The following ST3GAL3 variants were observed in gnomAD, a reference collection of about 807,000 sequenced individuals.
ST3GAL3 encodes ST3 beta-galactoside alpha-2,3-sialyltransferase 3.
In ST3GAL3, 21 loss-of-function variants were observed where a neutral mutation model predicts 50.1. The ratio of observed to expected loss-of-function variants is 0.42; its 90% CI spans 0.30 to 0.60. The LOEUF (loss-of-function observed/expected upper bound fraction) is 0.60, where lower values mean the gene tolerates loss of function less well. ST3GAL3 is among the 20% of genes least tolerant of loss of function. The probability of loss-of-function intolerance (pLI) is 0.19; values close to 1 mark genes in which losing one functional copy is unlikely to be tolerated. For missense variants in ST3GAL3, 353 were observed against 489.4 expected (o/e 0.72, Z 2.63); for synonymous variants, 183 against 190.0 (o/e 0.96, Z 0.30).
chr1:43,821,154 G>C (rs1027969522), intron 4 of ST3GAL3, among the ~76,000 whole-genome samples: 1 of 152,158 alleles, frequency 6.6e-6, no homozygotes, highest in Non-Finnish European at 1.5e-5. Flanking sequence ...GCTATCCTGC[G>C]AGCTGAAGTC....
chr1:43,897,349 ACTC>A (rs2077539788), intron 6 of ST3GAL3, among the ~76,000 whole-genome samples: 1 of 152,126 alleles, frequency 6.6e-6, no homozygotes, highest in Non-Finnish European at 1.5e-5. Context: ...CTTCCTAACA[ACTC>A]CACAAAATAG....
chr1:43,824,772 G>A (rs1270567018), intron 4 of ST3GAL3: 6 of 1,605,714 alleles, frequency 3.7e-6, no homozygotes, highest in Non-Finnish European at 4.3e-6. Context: ...GGCCTTGACT[G>A]CATATTGGAA....
chr1:43,830,664 T>A (rs577737691), intron 4 of ST3GAL3, among the ~76,000 whole-genome samples: 21 of 152,300 alleles, frequency 1.4e-4, no homozygotes, highest in African/African-American at 5.1e-4. Context: ...TAACTACAAA[T>A]TTTATGAGAT....
At chr1:43,835,130 C>A (rs1004424178) in intron 4 of ST3GAL3, among the ~76,000 whole-genome samples, 4 of 152,106 alleles carry the variant, frequency 2.6e-5, no homozygotes, top group African/African-American at 4.8e-5. Context: ...TGCTAAATCT[C>A]CCAAAATGAA....
At chr1:43,763,055 C>G (rs539902890) in intron 2 of ST3GAL3, among the ~76,000 whole-genome samples, 7 of 152,274 alleles carry the variant, frequency 4.6e-5, no homozygotes, top group African/African-American at 7.2e-5. Flanking sequence ...TGCACACTTG[C>G]AAAATGATAT....
chr1:43,852,082 G>A (rs1417397107), intron 5 of ST3GAL3, among the ~76,000 whole-genome samples: 2 of 152,206 alleles, frequency 1.3e-5, no homozygotes, highest in African/African-American at 4.8e-5. Context: ...AGACTAAGGA[G>A]CAGGCAGTGT....
intron 11 of ST3GAL3, among the ~76,000 whole-genome samples, chr1:43,926,483 G>T (rs1181180999): frequency 6.6e-6 from 1 of 152,116 alleles, no homozygotes; most frequent in African/African-American, 2.4e-5. Flanking sequence ...CAGCTACTCG[G>T]GAGGCTGGGG....
intron 2 of ST3GAL3, among the ~76,000 whole-genome samples, chr1:43,743,181 A>G (rs996844554): frequency 1.4e-5 from 2 of 147,618 alleles, no homozygotes; most frequent in Non-Finnish European, 3.0e-5. Flanking sequence ...GAAGGAAAAA[A>G]AAATAAATAA....
rs557836471 is a variant in ST3GAL3, at chr1:43,728,692, A to C, written c.-30-7541A>C. Among the ~76,000 whole-genome samples the C allele has an allele frequency of 2.0e-5, 3 of 152,312 alleles. No homozygotes were observed. In the East Asian group the frequency reaches 5.8e-4, roughly 29 times the overall value. ...CTTGAGCCCAGGAGGTCGAGGTTGC[A>C]GTGAGGTATGATCACGCCACTGCAC... On this transcript the variant is annotated intron_variant, in intron 1 of 11. Transcript: ENST00000347631.
At chr1:43,725,132 C>T (rs924786585) in intron 1 of ST3GAL3, among the ~76,000 whole-genome samples, 1 of 152,198 alleles carries the variant, frequency 6.6e-6, no homozygotes. Flanking sequence ...GTGTCCAAAT[C>T]GCTGTGCTCC....
chr1:43,718,572 T>C (rs956954747), intron 1 of ST3GAL3, among the ~76,000 whole-genome samples: 1 of 150,438 alleles, frequency 6.6e-6, no homozygotes, highest in Non-Finnish European at 1.5e-5. Flanking sequence ...ACTGAAAGCC[T>C]TCCTAATGTG....
intron 2 of ST3GAL3, among the ~76,000 whole-genome samples, chr1:43,765,161 G>A (rs1397910313): frequency 6.6e-6 from 1 of 152,116 alleles, no homozygotes; most frequent in African/African-American, 2.4e-5. Flanking sequence ...CTATATTGGT[G>A]GGGAGGAATT....
At chr1:43,748,788 T>G (rs367782776) in intron 2 of ST3GAL3, among the ~76,000 whole-genome samples, 2 of 152,258 alleles carry the variant, frequency 1.3e-5, no homozygotes, top group South Asian at 2.1e-4. Context: ...AGGTTGGTCT[T>G]GAACTCCTGG....
intron 4 of ST3GAL3, among the ~76,000 whole-genome samples, chr1:43,817,876 C>CCTCCTT (rs1553352429): frequency 4.3e-5 from 6 of 140,750 alleles, no homozygotes; most frequent in East Asian, 2.2e-4. Context: ...TCCTCCTCCT[C>CCTCCTT]CTCCTCCTTC....
At chr1:43,897,808 A>G (rs1290504230) in intron 6 of ST3GAL3, among the ~76,000 whole-genome samples, 1 of 152,190 alleles carries the variant, frequency 6.6e-6, no homozygotes, top group Non-Finnish European at 1.5e-5. Context: ...GTTTCCTGGT[A>G]TCTGCTGGGT....
intron 5 of ST3GAL3, among the ~76,000 whole-genome samples, chr1:43,864,776 G>C (rs1362879913): frequency 6.6e-6 from 1 of 152,132 alleles, no homozygotes; most frequent in Admixed American, 6.5e-5. Context: ...TTAGGTGGCT[G>C]GTAGAGGGAT....
At chr1:43,853,579 A>C (rs1171396879) in intron 5 of ST3GAL3, among the ~76,000 whole-genome samples, 1 of 152,214 alleles carries the variant, frequency 6.6e-6, no homozygotes, top group African/African-American at 2.4e-5. Context: ...CTAGTGGCCA[A>C]GGTACCGAGG....
intron 2 of ST3GAL3, among the ~76,000 whole-genome samples, chr1:43,780,274 G>A (rs1698945487): frequency 6.6e-6 from 1 of 151,944 alleles, no homozygotes; most frequent in Non-Finnish European, 1.5e-5. Context: ...TAGGCTTTTG[G>A]TGTTCCTCTT....
At chr1:43,873,775 A>G (rs1423907037) in intron 5 of ST3GAL3, among the ~76,000 whole-genome samples, 1 of 152,158 alleles carries the variant, frequency 6.6e-6, no homozygotes, top group Non-Finnish European at 1.5e-5. Context: ...TGGACGACAG[A>G]GTAAGATTCT....
Sources: allele counts gnomAD v4.1 joint callset (sites outside exome capture counted in the v4.1 genomes callset), GRCh38; gene constraint gnomAD v4.1.1; transcripts MANE v1.5; gene names NCBI Gene and HGNC (gene_info 2026-07-23, HGNC 2026-07-21).